C3orf20: variants seen among roughly 807,000 people sequenced by gnomAD.
The protein encoded by C3orf20 is family with sequence similarity 149 member C.
C3orf20 carries 76 observed loss-of-function variants against 88.3 expected under a neutral mutation model. That is an observed-to-expected ratio of 0.86 (90% CI 0.72 to 1.04). C3orf20 has a LOEUF of 1.04. C3orf20 is among the 50% of genes least tolerant of loss of function. The pLI is 0.00. For missense variants in C3orf20, 1,056 were observed against 1,123.3 expected (o/e 0.94, Z 0.86); for synonymous variants, 436 against 437.4 (o/e 1.00, Z 0.04).
chr3:14,694,361 C>T (rs1042642606), intron 5 of C3orf20, among the ~76,000 whole-genome samples: 6 of 152,082 alleles, frequency 3.9e-5, no homozygotes, highest in Non-Finnish European at 5.9e-5. Context: ...GTTTCAATCT[C>T]GTTACTTGTT....
chr3:14,741,417 C>T (rs890566101), intron 12 of C3orf20, among the ~76,000 whole-genome samples: 1 of 152,156 alleles, frequency 6.6e-6, no homozygotes, highest in African/African-American at 2.4e-5. Flanking sequence ...TAAAAGAGTT[C>T]TAAATGTCAT....
intron 13 of C3orf20, among the ~76,000 whole-genome samples, chr3:14,759,411 A>G (rs920444337): frequency 6.6e-6 from 1 of 152,128 alleles, no homozygotes; most frequent in Non-Finnish European, 1.5e-5. Context: ...GTGTGGGTTC[A>G]GTTCAGGTCC....
chr3:14,710,892 T>C (rs1195299793), intron 7 of C3orf20, among the ~76,000 whole-genome samples: 1 of 67,432 alleles, frequency 1.5e-5, no homozygotes, highest in East Asian at 3.4e-4. Flanking sequence ...TCTTTCTTTC[T>C]TTTTCTTTTT....
rs1041488101 is a variant in C3orf20, at chr3:14,701,159, G to A, written c.746-1971G>A. Among the ~76,000 whole-genome samples, 1 of 152,200 alleles carries A rather than the reference G, an allele frequency of 6.6e-6. No individual in the cohort carries two copies. The highest frequency in any genetic ancestry group is 6.5e-5 in the Admixed American group (1 of 15,284). ...ACCTCAGGCCCTAGGCTTGAGTTCA[G>A]GGTTCAGTCTCTGGTCCCTGTTGGC... On this transcript the variant is annotated intron_variant, in intron 5 of 16. Coordinates refer to ENST00000253697, the MANE Select transcript of C3orf20 (RefSeq NM_032137.5). This position sits in a 1 kb window ranked among gnomAD's most constrained non-coding sequence, Gnocchi z 4.6.
chr3:14,767,933 G>T (rs1313501003), intron 15 of C3orf20, among the ~76,000 whole-genome samples: 3 of 152,242 alleles, frequency 2.0e-5, no homozygotes, highest in Non-Finnish European at 4.4e-5. Context: ...ACAAAGCACG[G>T]TATAAACCGT....
intron 12 of C3orf20, among the ~76,000 whole-genome samples, chr3:14,732,588 A>C (rs1373012501): frequency 6.6e-6 from 1 of 152,198 alleles, no homozygotes; most frequent in African/African-American, 2.4e-5. Context: ...TTGCCCCCCA[A>C]GGGATATTTG....
intron 10 of C3orf20, among the ~76,000 whole-genome samples, chr3:14,723,887 G>A (rs141592050): frequency 3.7e-4 from 57 of 152,052 alleles, no homozygotes; most frequent in African/African-American, 1.3e-3. Flanking sequence ...GTGCAGTGGT[G>A]CAATCTTGGC....
intron 4 of C3orf20, among the ~76,000 whole-genome samples, chr3:14,685,846 G>T (rs1183554006): frequency 2.1e-5 from 3 of 145,986 alleles, no homozygotes; most frequent in African/African-American, 7.6e-5. Flanking sequence ...GTAGCAAATG[G>T]CAGGATTTCC....
rs1232197229 is a variant in C3orf20 at position 14,683,092 on chromosome 3, G to C, written c.379G>C (p.Val127Leu). Residue 127 changes from valine to leucine, a missense_variant, in exon 3 of 17, where the codon GTG becomes CTG. By Grantham distance (32) the Val-to-Leu change is conservative. Transcript: ENST00000253697. ...CCTCTCTCCCACCATGGCCCGTCAG[G>C]TGCGCACCCACCAGGAGACCCTGAA... ...STLSPTMARQ[V>L]RTHQETLNRF... 1 of 1,613,724 alleles carries C rather than the reference G, an allele frequency of 6.2e-7. No homozygotes were observed. The highest frequency in any genetic ancestry group is 1.1e-5 in the South Asian group (1 of 90,976).
chr3:14,680,491 C>T (rs760383303), intron 1 of C3orf20, among the ~76,000 whole-genome samples: 1 of 151,880 alleles, frequency 6.6e-6, no homozygotes, highest in Non-Finnish European at 1.5e-5. Context: ...GAATGGTTGC[C>T]TGAGGGTGAG....
intron 12 of C3orf20, among the ~76,000 whole-genome samples, chr3:14,733,302 A>G (rs1373957259): frequency 6.6e-6 from 1 of 152,172 alleles, no homozygotes. Flanking sequence ...ATGTTCAACC[A>G]ATCTTGTATT....
chr3:14,740,905 G>A (rs1184871750), intron 12 of C3orf20, among the ~76,000 whole-genome samples: 1 of 151,800 alleles, frequency 6.6e-6, no homozygotes, highest in South Asian at 2.1e-4. Flanking sequence ...TTATTTAATT[G>A]TACATTTTAA....
chr3:14,768,324 G>T lies in C3orf20; in HGVS notation c.2496-3743G>T, dbSNP rs73814002. Among the ~76,000 whole-genome samples the T allele has an allele frequency of 7.4e-3, 1,126 of 152,062 alleles. 27 individuals carry two copies. The highest frequency in any genetic ancestry group is 0.026 in the African/African-American group (1,064 of 41,424). On this transcript the variant is annotated intron_variant, in intron 15 of 16. Transcript: ENST00000253697. The surrounding 1 kb of genome is among the most constrained non-coding windows in gnomAD (Gnocchi z 4.1). Reference sequence around the variant, plus strand: ...CGTGCTCAGCAAGGAGCCAGCCACCGCCAGGCCCTCCCTCTATGATGCTGC... The same window carrying T: ...CGTGCTCAGCAAGGAGCCAGCCACCTCCAGGCCCTCCCTCTATGATGCTGC...
intron 15 of C3orf20, among the ~76,000 whole-genome samples, chr3:14,766,166 C>G (rs1284266764): frequency 2.0e-5 from 3 of 152,186 alleles, no homozygotes; most frequent in Non-Finnish European, 4.4e-5. Context: ...CCTCCCTGTC[C>G]CCCACTCAGC....
At chr3:14,691,321 A>G (rs548517234) in intron 5 of C3orf20, among the ~76,000 whole-genome samples, 47 of 152,132 alleles carry the variant, frequency 3.1e-4, no homozygotes, top group African/African-American at 1.1e-3. Flanking sequence ...CTGGCTTAGT[A>G]CTCCATTATC....
chr3:14,721,145 G>C, intron 9 of C3orf20, among the ~76,000 whole-genome samples: 1 of 152,210 alleles, frequency 6.6e-6, no homozygotes, highest in East Asian at 1.9e-4. Context: ...GGCTGAGTAT[G>C]TGTGGCCCAG....
intron 11 of C3orf20, among the ~76,000 whole-genome samples, chr3:14,727,605 G>A (rs1381951760): frequency 1.3e-5 from 2 of 152,034 alleles, no homozygotes; most frequent in Non-Finnish European, 2.9e-5. Flanking sequence ...GTCACCCCCT[G>A]GCTGGGCATG....
intron 9 of C3orf20, among the ~76,000 whole-genome samples, chr3:14,721,207 C>T (rs928902986): frequency 2.6e-5 from 4 of 152,196 alleles, no homozygotes; most frequent in Admixed American, 1.3e-4. Context: ...GAGGGCTTTC[C>T]GGCGCTTCCT....
intron 7 of C3orf20, among the ~76,000 whole-genome samples, chr3:14,707,248 C>CAAAAAAAA (rs10662478): frequency 1.1e-5 from 1 of 93,742 alleles, no homozygotes; most frequent in Non-Finnish European, 1.9e-5. Flanking sequence ...GACTCCGTCT[C>CAAAAAAAA]AAAAAAAAAA....
Sources: gnomAD v4.1 joint callset for allele counts (sites outside exome capture counted in the v4.1 genomes callset) on GRCh38, gnomAD v4.1.1 for gene constraint, Gnocchi (gnomAD v3.1) non-coding constraint, MANE v1.5 for transcripts, NCBI Gene and HGNC (gene_info 2026-07-23, HGNC 2026-07-21) for gene names.